The following NSUN4 variants were observed in gnomAD, a reference collection of about 807,000 sequenced individuals.
NSUN4 encodes NOP2/Sun RNA methyltransferase 4.
A neutral mutation model predicts 43.8 loss-of-function variants in NSUN4; 31 were observed. The observed-to-expected ratio is 0.71, with a 90% CI of 0.53 to 0.96. The LOEUF is 0.96. Among genes scored for constraint, NSUN4 ranks in the 40% least tolerant of loss-of-function variants. NSUN4 has a pLI of 0.00. For synonymous variants in NSUN4, 167 were observed against 184.1 expected (o/e 0.91, Z 0.75); for missense variants, 439 against 475.6 (o/e 0.92, Z 0.72).
intron 1 of NSUN4, chr1:46,343,093 C>T (rs891217997): frequency 1.8e-5 from 7 of 399,430 alleles, no homozygotes; most frequent in Non-Finnish European, 2.7e-5. Flanking sequence ...CATGGACCCT[C>T]CATAGGGCCC....
chr1:46,360,249 A>AATATATATAT (rs773980804), intron 4 of NSUN4, among the ~76,000 whole-genome samples: 61 of 25,696 alleles, frequency 2.4e-3, no homozygotes, highest in South Asian at 4.3e-3. Context: ...AAAAAAAAAA[A>AATATATATAT]ATATATATAT....
intron 1 of NSUN4, chr1:46,344,137 C>A: frequency 1.1e-5 from 2 of 184,968 alleles, no homozygotes; most frequent in Non-Finnish European, 1.1e-5. Flanking sequence ...CCCCTGCTAC[C>A]CCCATAGCAG....
At chr1:46,352,207 T>G (rs1354175002) in intron 3 of NSUN4, among the ~76,000 whole-genome samples, 15 of 149,574 alleles carry the variant, frequency 1.0e-4, no homozygotes, top group African/African-American at 3.4e-4. Flanking sequence ...TCCTAGCACT[T>G]TGGGAGGCCA....
chr1:46,353,551 A>G (rs941878328), intron 4 of NSUN4, among the ~76,000 whole-genome samples: 5 of 151,298 alleles, frequency 3.3e-5, no homozygotes, highest in African/African-American at 1.2e-4. Context: ...ATCTCTGCTC[A>G]CTGCAGCCTC....
intron 4 of NSUN4, among the ~76,000 whole-genome samples, chr1:46,359,530 G>A (rs1469694679): frequency 6.7e-6 from 1 of 148,320 alleles, no homozygotes; most frequent in Non-Finnish European, 1.5e-5. Flanking sequence ...CTACAAGAGC[G>A]CTGCCACCAC....
the NSUN4 span, among the ~76,000 whole-genome samples, chr1:46,385,175 A>T: frequency 6.6e-6 from 1 of 152,230 alleles, no homozygotes; most frequent in South Asian, 2.1e-4. Flanking sequence ...GTTAAATTGA[A>T]TTTTAATAAA....
the NSUN4 span, among the ~76,000 whole-genome samples, chr1:46,384,455 T>G: frequency 6.6e-6 from 1 of 152,156 alleles, no homozygotes; most frequent in Non-Finnish European, 1.5e-5. Context: ...CAGCACCTGA[T>G]AAGAATAAGT....
At chr1:46,343,428 C>T in intron 1 of NSUN4, 1 of 399,648 alleles carries the variant, frequency 2.5e-6, no homozygotes. Context: ...AGAGCCTCTG[C>T]AGATCCCCTA....
At chr1:46,372,630 G>T in the NSUN4 span, among the ~76,000 whole-genome samples, 1 of 152,168 alleles carries the variant, frequency 6.6e-6, no homozygotes, top group Non-Finnish European at 1.5e-5. Context: ...CCACCAGATG[G>T]CCTAACTCAC....
chr1:46,361,625 C>A lies in NSUN4; in HGVS notation c.934C>A (p.Leu312Ile). The change falls in exon 6 of 6, where the codon CTC (leucine) becomes ATC (isoleucine). Residue 312 changes from leucine (L) to isoleucine (I), a missense_variant. Transcript: ENST00000474844. ...CCATGTTGTCTATTCTACCTGCTCA[C>A]TCTCACACTTACAGAACGAGTATGT... ...GGHVVYSTCS[L>I]SHLQNEYVVQ... is the part of the protein sequence containing the mutation. 6.2e-7 allele frequency: 1 copy of A among 1,614,210 alleles called. No individual in the cohort carries two copies. The highest frequency in any genetic ancestry group is 2.2e-5 in the East Asian group (1 of 44,888).
At chr1:46,342,364 G>C in intron 1 of NSUN4, 1 of 399,118 alleles carries the variant, frequency 2.5e-6, no homozygotes, top group East Asian at 3.6e-5. Context: ...GGCATGCCTG[G>C]CTCTCCCAGC....
At chr1:46,346,482 G>A (rs1238177392) in intron 2 of NSUN4, among the ~76,000 whole-genome samples, 1 of 148,748 alleles carries the variant, frequency 6.7e-6, no homozygotes, top group Non-Finnish European at 1.5e-5. Context: ...AATCTGGGAG[G>A]CAGAGGTTGC....
chr1:46,379,222 T>C, the NSUN4 span, among the ~76,000 whole-genome samples: 1 of 152,068 alleles, frequency 6.6e-6, no homozygotes, highest in African/African-American at 2.4e-5. Context: ...CAGTGCTTTG[T>C]AAATTGTCAG....
chr1:46,341,662 C>T (rs1662115383), intron 1 of NSUN4: 1 of 1,224,656 alleles, frequency 8.2e-7, no homozygotes. Context: ...CCACAACCTT[C>T]CTCGCACTCA....
At chr1:46,355,414 T>C (rs1161378156) in intron 4 of NSUN4, among the ~76,000 whole-genome samples, 1 of 152,196 alleles carries the variant, frequency 6.6e-6, no homozygotes, top group Non-Finnish European at 1.5e-5. Flanking sequence ...CCATTACTTA[T>C]CAGCCAGAGA....
rs143003634 is a variant in NSUN4 at position 46,362,358 on chromosome 1, A to G, written c.*512A>G. On this transcript the variant is annotated 3_prime_UTR_variant, in exon 6 of 6. Coordinates refer to ENST00000474844, the MANE Select transcript of NSUN4 (RefSeq NM_199044.4). Reference sequence around the variant, plus strand: ...CCCGCCTGGTTTTTCCATATGGCTCATGATCTAATTTAAGGAACAAGTAAC... The same window carrying G: ...CCCGCCTGGTTTTTCCATATGGCTCGTGATCTAATTTAAGGAACAAGTAAC... 138 of 155,200 alleles carry G rather than the reference A, an allele frequency of 8.9e-4. No individual in the cohort carries two copies. The highest frequency in any genetic ancestry group is 3.0e-3 in the African/African-American group (125 of 41,588). The allele number at this position is 155,200 out of a possible 1,614,324, so 9.6% of individuals were successfully genotyped here.
chr1:46,365,698 GTA>G (rs766221550), downstream of NSUN4, among the ~76,000 whole-genome samples: 11 of 152,138 alleles, frequency 7.2e-5, no homozygotes, highest in Admixed American at 2.6e-4. Context: ...TATGGTAAAT[GTA>G]TGTTTAACTT....
At chr1:46,360,180 G>C (rs1337937264) in intron 4 of NSUN4, among the ~76,000 whole-genome samples, 2 of 133,770 alleles carry the variant, frequency 1.5e-5, no homozygotes, top group Non-Finnish European at 3.1e-5. Flanking sequence ...AGTGAGCCGA[G>C]ATTGCGCCAC....
At chr1:46,369,361 C>T (rs529534010), downstream of NSUN4, among the ~76,000 whole-genome samples, 16 of 152,220 alleles carry the variant, frequency 1.1e-4, no homozygotes, top group African/African-American at 3.4e-4. Context: ...TGAGTACCTC[C>T]TATGTGCTAG....
Sources: allele counts gnomAD v4.1 joint callset (sites outside exome capture counted in the v4.1 genomes callset), GRCh38; gene constraint gnomAD v4.1.1; transcripts MANE v1.5; gene names NCBI Gene and HGNC (gene_info 2026-07-23, HGNC 2026-07-21).